MMP26: variants seen among roughly 807,000 people sequenced by gnomAD.
MMP26 encodes the protein matrix metallopeptidase 26, also known as matrix metalloproteinase-26.
MMP26 carries 33 observed loss-of-function variants against 31.0 expected under a neutral mutation model. The observed-to-expected ratio is 1.06, with a 90% CI of 0.81 to 1.42. The LOEUF (loss-of-function observed/expected upper bound fraction) is 1.42, where lower values mean the gene tolerates loss of function less well. Ranked by LOEUF, MMP26 falls within the 40% of genes most tolerant of loss-of-function variation. The pLI is 0.00. For synonymous variants in MMP26, 122 were observed against 114.9 expected (o/e 1.06, Z -0.40); for missense variants, 347 against 316.1 (o/e 1.10, Z -0.74).
chr11:4,753,539 A>G (rs1056874235), intron 1 of MMP26, among the ~76,000 whole-genome samples: 1 of 152,074 alleles, frequency 6.6e-6, no homozygotes, highest in African/African-American at 2.4e-5. Context: ...TGCTCATAAT[A>G]GATATTCAGT....
At chr11:4,736,272 A>G (rs1352151236) in intron 1 of MMP26, 3 of 152,268 alleles carry the variant, frequency 2.0e-5, no homozygotes, top group Admixed American at 1.3e-4. Context: ...TGCATTGGCC[A>G]TAAGAGTGTG....
At chr11:4,782,527 T>G (rs753289711) in intron 2 of MMP26, among the ~76,000 whole-genome samples, 1 of 152,146 alleles carries the variant, frequency 6.6e-6, no homozygotes, top group African/African-American at 2.4e-5. Flanking sequence ...GTTCAGAACA[T>G]TTGCAGCCTG....
At chr11:4,748,260 C>T (rs114465366) in intron 1 of MMP26, among the ~76,000 whole-genome samples, 2,074 of 151,826 alleles carry the variant, frequency 0.014, 38 homozygotes, top group African/African-American at 0.048. Flanking sequence ...AATAGAAAAC[C>T]GAACAGACTA....
chr11:4,801,335 A>C (rs992697987), intron 2 of MMP26, among the ~76,000 whole-genome samples: 2 of 152,066 alleles, frequency 1.3e-5, no homozygotes, highest in Non-Finnish European at 1.5e-5. Flanking sequence ...TTATAAAGAA[A>C]AGTTTAATTA....
intron 2 of MMP26, chr11:4,859,761 C>G (rs576148087): frequency 2.1e-6 from 1 of 471,180 alleles, no homozygotes; most frequent in African/African-American, 2.0e-5. Flanking sequence ...ATAAATGCTC[C>G]CAAAATCTGT....
At chr11:4,873,336 T>C (rs1850334918) in intron 2 of MMP26, among the ~76,000 whole-genome samples, 1 of 152,122 alleles carries the variant, frequency 6.6e-6, no homozygotes. Flanking sequence ...TACATGTGAA[T>C]TCTAGTAGCA....
chr11:4,782,201 T>C (rs1848873785), intron 2 of MMP26, among the ~76,000 whole-genome samples: 1 of 152,044 alleles, frequency 6.6e-6, no homozygotes, highest in South Asian at 2.1e-4. Flanking sequence ...TGTGGGAAAG[T>C]TTAGAACTCC....
At chr11:4,707,140 C>T (rs1440317959) in intron 1 of MMP26, among the ~76,000 whole-genome samples, 1 of 152,162 alleles carries the variant, frequency 6.6e-6, no homozygotes, top group Admixed American at 6.5e-5. Context: ...ATTTTACATT[C>T]TCTCCAACTG....
chr11:4,719,210 T>C (rs1432353663), intron 1 of MMP26: 5 of 154,708 alleles, frequency 3.2e-5, no homozygotes, highest in African/African-American at 9.6e-5. Flanking sequence ...AACAGTGCAG[T>C]TGGGCTGACT....
At chr11:4,933,688 G>A (rs1430281839) in intron 2 of MMP26, among the ~76,000 whole-genome samples, 1 of 150,504 alleles carries the variant, frequency 6.6e-6, no homozygotes, top group Non-Finnish European at 1.5e-5. Context: ...TCGTCATCTA[G>A]CATTAGGTAT....
intron 2 of MMP26, among the ~76,000 whole-genome samples, chr11:4,851,887 C>CA (rs570373802): frequency 2.0e-5 from 3 of 151,488 alleles, no homozygotes; most frequent in Non-Finnish European, 2.9e-5. Context: ...AGCAGTGGAA[C>CA]AAAAAAAGAC....
chr11:4,784,492 G>T (rs921621203), intron 2 of MMP26, among the ~76,000 whole-genome samples: 5 of 152,192 alleles, frequency 3.3e-5, no homozygotes, highest in African/African-American at 1.2e-4. Flanking sequence ...GATGAACCAG[G>T]TGAGTCCTAA....
intron 2 of MMP26, chr11:4,945,978 T>C (rs893711973): frequency 4.8e-6 from 3 of 629,620 alleles, no homozygotes; most frequent in African/African-American, 1.9e-5. Context: ...AATGGGGACA[T>C]AAGGCAACGT....
At position 4,835,203 on chromosome 11, in the gene MMP26, GACACACACACAC is replaced by G. The variant is rs3064937; in HGVS notation, c.-145+67882_-145+67893del. Among the ~76,000 whole-genome samples, 3 of 143,126 alleles carry G rather than the reference GACACACACACAC, an allele frequency of 2.1e-5. No homozygotes were observed. The Admixed American group carries it at 2.1e-4, about 10-fold the overall frequency. 93.9% of individuals were successfully genotyped at this position (143,126 alleles called of 152,430 possible). The stretch of plus-strand genomic sequence containing the variant: ...TCTCTCTCTCTTCCTCTCTCTTTCT[GACACACACACAC>G]ACACACACACACACACACATACACA... On this transcript the variant is annotated intron_variant, in intron 2 of 7. Transcript: ENST00000380390.
At chr11:4,777,038 T>A (rs1281749111) in intron 2 of MMP26, among the ~76,000 whole-genome samples, 1 of 152,210 alleles carries the variant, frequency 6.6e-6, no homozygotes, top group African/African-American at 2.4e-5. Context: ...TTGAAAATTC[T>A]TAAAATACAA....
At chr11:4,974,603 G>A (rs943207332) in intron 2 of MMP26, among the ~76,000 whole-genome samples, 1 of 151,942 alleles carries the variant, frequency 6.6e-6, no homozygotes, top group Non-Finnish European at 1.5e-5. Flanking sequence ...ATAAAATTTT[G>A]TTGTCAAAAT....
intron 2 of MMP26, chr11:4,863,698 G>T (rs1435448029): frequency 6.6e-6 from 1 of 152,110 alleles, no homozygotes; most frequent in African/African-American, 2.4e-5. Context: ...TATAAAGACT[G>T]CTCAAACCAC....
intron 2 of MMP26, among the ~76,000 whole-genome samples, chr11:4,845,993 G>C (rs988068217): frequency 6.6e-6 from 1 of 152,172 alleles, no homozygotes; most frequent in Non-Finnish European, 1.5e-5. Flanking sequence ...GAATGGTTTA[G>C]AGGTTCCTCA....
intron 2 of MMP26, among the ~76,000 whole-genome samples, chr11:4,933,966 T>C (rs1288300584): frequency 1.4e-5 from 2 of 146,666 alleles, no homozygotes; most frequent in African/African-American, 5.1e-5. Flanking sequence ...CTTAATCCAG[T>C]CTATCATTGT....
Sources: allele counts gnomAD v4.1 joint callset (sites outside exome capture counted in the v4.1 genomes callset), GRCh38; gene constraint gnomAD v4.1.1; transcripts MANE v1.5; gene names NCBI Gene and HGNC (gene_info 2026-07-23, HGNC 2026-07-21).